Variants in RAPGEF5 observed in about 807,000 individuals in gnomAD.
The protein encoded by RAPGEF5 is M-Ras-regulated GEF.
Under a neutral mutation model 125.2 loss-of-function variants are expected in RAPGEF5, and 65 were observed. That is an observed-to-expected ratio of 0.52 (90% CI 0.43 to 0.64). The LOEUF (loss-of-function observed/expected upper bound fraction) is 0.64, where lower values mean the gene tolerates loss of function less well. RAPGEF5 is among the 30% of genes least tolerant of loss of function. The probability of loss-of-function intolerance (pLI) is 0.00; values close to 1 mark genes in which losing one functional copy is unlikely to be tolerated. For missense variants in RAPGEF5, 958 were observed against 1,048.1 expected, an observed-to-expected ratio of 0.91 and a Z score of 1.19; for synonymous variants, 391 against 385.9, an observed-to-expected ratio of 1.01 and a Z score of -0.16.
chr7:22,281,304 C>T (rs767297375), intron 6 of RAPGEF5, among the ~76,000 whole-genome samples: 1 of 152,280 alleles, frequency 6.6e-6, no homozygotes, highest in Non-Finnish European at 1.5e-5. Flanking sequence ...CTCTGCTTTC[C>T]GAGCTCAAGC....
At chr7:22,199,827 A>G (rs1168508166) in intron 9 of RAPGEF5, among the ~76,000 whole-genome samples, 2 of 152,178 alleles carry the variant, frequency 1.3e-5, no homozygotes, top group Non-Finnish European at 2.9e-5. Flanking sequence ...TGATGAGATA[A>G]AAGTGGCTGA....
At chr7:22,169,590 C>T (rs541922151) in intron 11 of RAPGEF5, among the ~76,000 whole-genome samples, 1 of 151,498 alleles carries the variant, frequency 6.6e-6, no homozygotes, top group East Asian at 2.0e-4. Flanking sequence ...TGTGGTGGCT[C>T]ACGCCTGTAA....
At chr7:22,270,140 G>A (rs748893973) in intron 6 of RAPGEF5, among the ~76,000 whole-genome samples, 4 of 152,200 alleles carry the variant, frequency 2.6e-5, no homozygotes, top group South Asian at 2.1e-4. Flanking sequence ...CCTGAAAGGC[G>A]AACAATGAAT....
At chr7:22,139,602 A>G (rs1452070540) in intron 21 of RAPGEF5, among the ~76,000 whole-genome samples, 1 of 152,290 alleles carries the variant, frequency 6.6e-6, no homozygotes, top group African/African-American at 2.4e-5. Context: ...TTTAAGAAAA[A>G]GAATATTAAA....
At chr7:22,330,250 A>G (rs1783890125) in intron 1 of RAPGEF5, among the ~76,000 whole-genome samples, 1 of 152,236 alleles carries the variant, frequency 6.6e-6, no homozygotes, top group South Asian at 2.1e-4. Flanking sequence ...TAAAGAGCTG[A>G]GAAAGCAGGA....
chr7:22,309,014 TA>T (rs34107260), intron 4 of RAPGEF5, among the ~76,000 whole-genome samples: 2 of 151,720 alleles, frequency 1.3e-5, no homozygotes, highest in Admixed American at 6.6e-5. Context: ...GGGATGCTGT[TA>T]AAAAAAACCC....
chr7:22,272,114 T>C (rs1224880132), intron 6 of RAPGEF5, among the ~76,000 whole-genome samples: 2 of 151,400 alleles, frequency 1.3e-5, no homozygotes, highest in Non-Finnish European at 2.9e-5. Context: ...GAGGTCGAGG[T>C]GGGCAGATCA....
At chr7:22,347,036 T>C (rs1343786830) in intron 1 of RAPGEF5, among the ~76,000 whole-genome samples, 6 of 152,036 alleles carry the variant, frequency 3.9e-5, no homozygotes. Flanking sequence ...ATATGGAAAG[T>C]TTAACTTTTA....
At chr7:22,150,366 C>T (rs1260309829) in intron 18 of RAPGEF5, 41 bp downstream of exon 18, 1 of 1,584,142 alleles carries the variant, frequency 6.3e-7, no homozygotes, top group African/African-American at 1.4e-5. Flanking sequence ...AGCCACCTCG[C>T]CTGGCCTGTT....
chr7:22,153,376 G>A (rs1290486228), intron 17 of RAPGEF5, among the ~76,000 whole-genome samples: 2 of 152,060 alleles, frequency 1.3e-5, no homozygotes. Flanking sequence ...ACCACTCTCT[G>A]ATTAAAAGTC....
chr7:22,120,439 T>C lies in RAPGEF5; in HGVS notation c.*1967A>G, dbSNP rs576467617. On this transcript the variant is annotated 3_prime_UTR_variant, in exon 26 of 26. Transcript: ENST00000665637. This position sits in a 1 kb window ranked among gnomAD's most constrained non-coding sequence, Gnocchi z 4.0. ...CTAATGTAAATAAAAATCCAAATTT[T>C]GAAACACAGAAACAATGTCAGGATG... The C allele has an allele frequency of 1.3e-5, 2 of 152,736 alleles. No individual in the cohort carries two copies. The highest frequency in any genetic ancestry group is 3.9e-4 in the East Asian group (2 of 5,188). The allele number at this position is 152,736 out of a possible 1,614,324, so 9.5% of individuals were successfully genotyped here. A position where few individuals can be genotyped will look rare whatever the true frequency, so the allele number is the denominator to read the frequency against.
intron 6 of RAPGEF5, among the ~76,000 whole-genome samples, chr7:22,271,092 C>G (rs1782405077): frequency 1.3e-5 from 2 of 152,158 alleles, no homozygotes; most frequent in African/African-American, 4.8e-5. Flanking sequence ...GGTCTACTTA[C>G]TGGGAAATGC....
chr7:22,222,747 G>A (rs1488044884), intron 8 of RAPGEF5, among the ~76,000 whole-genome samples: 4 of 152,220 alleles, frequency 2.6e-5, no homozygotes, highest in Admixed American at 6.5e-5. Context: ...TGACATTTTA[G>A]CAGGATCATT....
In RAPGEF5 at chr7:22,287,816, A is replaced by G. The variant is rs568562268; in HGVS notation, c.747+3359T>C. ...CTGTCCATTAACAAATGCTTCTAGA[A>G]TGAACAATGGAATTTTAGAACTTGA... On this transcript the variant is annotated intron_variant, in intron 6 of 25. Transcript: ENST00000665637. Among the ~76,000 whole-genome samples, 7 of 152,354 alleles carry G rather than the reference A, an allele frequency of 4.6e-5. No individual in the cohort carries two copies. In the South Asian group the frequency reaches 1.5e-3, roughly 32 times the overall value.
chr7:22,155,708 T>C (rs1783782282), intron 16 of RAPGEF5, among the ~76,000 whole-genome samples: 1 of 152,244 alleles, frequency 6.6e-6, no homozygotes, highest in Non-Finnish European at 1.5e-5. Context: ...CAAATAGTTG[T>C]TTTGTATTTT....
Position 22,331,661 on chromosome 7 carries a change from C to T in RAPGEF5, c.232-13624G>A, listed in dbSNP as rs367725078. Among the ~76,000 whole-genome samples the T allele has an allele frequency of 2.2e-4, 32 of 148,520 alleles. No homozygotes were observed. The East Asian group carries it at 4.2e-3, about 19-fold the overall frequency. On this transcript the variant is annotated intron_variant, in intron 1 of 25. Coordinates refer to ENST00000665637, the MANE Select transcript of RAPGEF5 (RefSeq NM_012294.5). ...TCGGGATGCTGAGGCAGGAGAATAG[C>T]GTGAACCCGGGAGGCGGAGCTTGCA...
intron 1 of RAPGEF5, among the ~76,000 whole-genome samples, chr7:22,344,753 C>G (rs1458229249): frequency 1.3e-5 from 2 of 152,194 alleles, no homozygotes; most frequent in African/African-American, 4.8e-5. Flanking sequence ...CCAAATCCTC[C>G]CCACTTTTTT....
chr7:22,144,340 G>T (rs1034832732), intron 20 of RAPGEF5, among the ~76,000 whole-genome samples: 1 of 152,196 alleles, frequency 6.6e-6, no homozygotes, highest in Admixed American at 6.5e-5. Context: ...AAGGTAAAAA[G>T]TATATCTGTG....
intron 1 of RAPGEF5, among the ~76,000 whole-genome samples, chr7:22,320,111 T>C (rs1783686637): frequency 6.6e-6 from 1 of 152,186 alleles, no homozygotes; most frequent in Non-Finnish European, 1.5e-5. Flanking sequence ...AAGCTCAACA[T>C]AATAACTGTC....
Sources: gnomAD v4.1 joint callset for allele counts (sites outside exome capture counted in the v4.1 genomes callset) on GRCh38, gnomAD v4.1.1 for gene constraint, Gnocchi (gnomAD v3.1) non-coding constraint, MANE v1.5 for transcripts, NCBI Gene and HGNC (gene_info 2026-07-23, HGNC 2026-07-21) for gene names.